The following P2RX7 variants were observed in gnomAD, a reference collection of about 807,000 sequenced individuals.
P2RX7 encodes the protein purinergic receptor P2X 7.
P2RX7 carries 62 observed loss-of-function variants against 71.6 expected under a neutral mutation model. The observed-to-expected ratio is 0.87, with a 90% CI of 0.71 to 1.07. P2RX7 has a LOEUF of 1.07. Among genes scored for constraint, P2RX7 ranks in the 50% least tolerant of loss-of-function variants. P2RX7 has a pLI of 0.00. For synonymous variants in P2RX7, 299 were observed against 283.3 expected, an observed-to-expected ratio of 1.06 and a Z score of -0.56; for missense variants, 686 against 748.5, an observed-to-expected ratio of 0.92 and a Z score of 0.97.
At chr12:121,133,941 C>T (rs540919524) in intron 1 of P2RX7, among the ~76,000 whole-genome samples, 2 of 152,028 alleles carry the variant, frequency 1.3e-5, no homozygotes, top group South Asian at 4.1e-4. Context: ...CCAGGCTGGT[C>T]TCAAACTCCT....
chr12:121,142,162 G>C (rs1875034437), intron 1 of P2RX7, among the ~76,000 whole-genome samples: 1 of 152,188 alleles, frequency 6.6e-6, no homozygotes, highest in South Asian at 2.1e-4. Context: ...GTTTCTATTT[G>C]TTACACAGCA....
rs555459948 is a variant in P2RX7 at position 121,166,161 on chromosome 12, G to A, written c.718G>A (p.Asp240Asn). Reference protein sequence around the residue: ...RLGDIFRETGDNFSDVAIQGG... With the variant: ...RLGDIFRETGNNFSDVAIQGG... Reference sequence around the variant, plus strand: ...AGGAGACATCTTCCGAGAAACAGGCGATAATTTTTCAGATGTGGCAATTCA... The same window carrying A: ...AGGAGACATCTTCCGAGAAACAGGCAATAATTTTTCAGATGTGGCAATTCA... The change falls in exon 7 of 13, where the codon GAT becomes AAT. Residue 240 changes from aspartate to asparagine, a missense_variant. By Grantham distance (23) the Asp-to-Asn change is conservative (BLOSUM62 1). Transcript: ENST00000328963. 1.4e-5 allele frequency: 23 copies of A among 1,613,662 alleles called. No homozygotes were observed. Among genetic ancestry groups the A allele is most frequent in the African/African-American group, 2.7e-5 (2 of 74,916 alleles).
intron 1 of P2RX7, among the ~76,000 whole-genome samples, chr12:121,153,050 T>C (rs941530019): frequency 5.9e-5 from 9 of 152,222 alleles, no homozygotes; most frequent in Admixed American, 3.3e-4. Flanking sequence ...ATCTGAGCTA[T>C]CTTTTCAGGA....
At chr12:121,167,386 C>T (rs504677) in intron 7 of P2RX7, 102 bp from the exon 8 acceptor site, 535,530 of 1,365,332 alleles carry the variant, frequency 0.39, 108,581 homozygotes, top group South Asian at 0.45. Context: ...CAGCATTTTT[C>T]CTCTAAAAAC....
chr12:121,171,256 G>A (rs1593117933), intron 8 of P2RX7, among the ~76,000 whole-genome samples: 1 of 152,012 alleles, frequency 6.6e-6, no homozygotes, highest in Non-Finnish European at 1.5e-5. Flanking sequence ...CTCTTCCAGC[G>A]TCTGGTGGCT....
At chr12:121,156,799 C>G (rs1225720256) in intron 3 of P2RX7, among the ~76,000 whole-genome samples, 1 of 152,192 alleles carries the variant, frequency 6.6e-6, no homozygotes, top group African/African-American at 2.4e-5. Context: ...CCCAACTTGG[C>G]TTTGCTCTCT....
chr12:121,167,150 G>A (rs547813840), intron 7 of P2RX7, among the ~76,000 whole-genome samples: 1 of 152,144 alleles, frequency 6.6e-6, no homozygotes, highest in South Asian at 2.1e-4. Flanking sequence ...TTGATAGAGT[G>A]CCCTGAATTC....
chr12:121,180,963 CA>C (rs35912062), intron 12 of P2RX7, among the ~76,000 whole-genome samples: 99 of 136,256 alleles, frequency 7.3e-4, no homozygotes, highest in Admixed American at 1.1e-3. Flanking sequence ...GACTCCATCT[CA>C]AAAAAAAAAA....
At chr12:121,155,248 A>G (rs1384999746) in intron 2 of P2RX7, 3 of 1,360,152 alleles carry the variant, frequency 2.2e-6, no homozygotes, top group Non-Finnish European at 2.9e-6. Flanking sequence ...TTTTAGACGC[A>G]CAGCCACCAA....
At position 121,182,328 on chromosome 12, in the gene P2RX7, T is replaced by C. The variant is rs1462233450; in HGVS notation, c.1290+1873T>C. On this transcript the variant is annotated intron_variant, in intron 12 of 12. Coordinates refer to ENST00000328963, the MANE Select transcript of P2RX7 (RefSeq NM_002562.6). ...TTGTAATGTTCTTGTTGGATTTGTGTATGAAGTGAACTACAGTCATGCATC... is the reference window on the plus strand; with the variant it reads ...TTGTAATGTTCTTGTTGGATTTGTGCATGAAGTGAACTACAGTCATGCATC... Among the ~76,000 whole-genome samples, 14 of 152,230 alleles carry C rather than the reference T, an allele frequency of 9.2e-5. No individual in the cohort carries two copies. The East Asian group carries it at 2.7e-3, about 29-fold the overall frequency.
rs386377968 is a variant in P2RX7 at position 121,178,791 on chromosome 12, C to CAAAAA, written c.1188+1363_1188+1367dup. Among the ~76,000 whole-genome samples, 498 of 66,344 alleles carry CAAAAA rather than the reference C, an allele frequency of 7.5e-3. 17 individuals carry two copies. The highest frequency in any genetic ancestry group is 0.026 in the African/African-American group (430 of 16,608). The allele number at this position is 66,344 out of a possible 152,430, so 43.5% of individuals were successfully genotyped here. A position where few individuals can be genotyped will look rare whatever the true frequency, so the allele number is the denominator to read the frequency against. On this transcript the variant is annotated intron_variant, in intron 11 of 12. Coordinates refer to ENST00000328963, the MANE Select transcript of P2RX7 (RefSeq NM_002562.6). ...TGAGTGACAGAGGGAAACTCTGTCT[C>CAAAAA]AAAAAAAAAAAAAAAAAAAAAATTA...
intron 7 of P2RX7, among the ~76,000 whole-genome samples, chr12:121,166,968 C>T (rs1189383668): frequency 1.3e-5 from 2 of 150,982 alleles, no homozygotes; most frequent in Non-Finnish European, 2.9e-5. Flanking sequence ...AGGAGAATCG[C>T]TTGAACCTGG....
chr12:121,135,991 A>C (rs1873458281), intron 1 of P2RX7, among the ~76,000 whole-genome samples: 1 of 112,718 alleles, frequency 8.9e-6, no homozygotes, highest in Non-Finnish European at 1.8e-5. Flanking sequence ...GCCACAGAGC[A>C]AGACTCTGTC....
chr12:121,144,075 G>C (rs751975123), intron 1 of P2RX7, among the ~76,000 whole-genome samples: 1 of 152,092 alleles, frequency 6.6e-6, no homozygotes, highest in Non-Finnish European at 1.5e-5. Context: ...CTCAACCCAG[G>C]TAACCATGAA....
chr12:121,143,587 C>T lies in P2RX7; in HGVS notation c.125+10492C>T, dbSNP rs570653602. On this transcript the variant is annotated intron_variant, in intron 1 of 12. Transcript: ENST00000328963. ...AAAATCGGCCAGGCGCGGTGGCTCA[C>T]GTCTGTAATCCCAGAACTCTGGGAG... 3.3e-5 allele frequency among the ~76,000 whole-genome samples: 5 copies of T among 151,178 alleles called. No homozygotes were observed. The South Asian group carries it at 6.3e-4, about 19-fold the overall frequency.
intron 11 of P2RX7, among the ~76,000 whole-genome samples, chr12:121,177,690 T>TCA: frequency 1.6e-5 from 1 of 61,192 alleles, no homozygotes; most frequent in African/African-American, 6.3e-5. Flanking sequence ...ATTTTGTCAT[T>TCA]TATTTATTTA....
In P2RX7 at chr12:121,184,893, T is replaced by G. The variant is rs1261623798; in HGVS notation, c.*91T>G. The G allele has an allele frequency of 2.9e-6, 3 of 1,046,004 alleles. No individual in the cohort carries two copies. The highest frequency in any genetic ancestry group is 1.6e-5 in the African/African-American group (1 of 62,062). 64.8% of individuals were successfully genotyped at this position (1,046,004 alleles called of 1,614,324 possible). The stretch of plus-strand genomic sequence containing the variant: ...TGAGGTCGGGAGTTGGAGACCCGCC[T>G]GGCTAACAAGGCGAAATCCTGTCTG... On this transcript the variant is annotated 3_prime_UTR_variant, in exon 13 of 13. Coordinates refer to ENST00000328963, the MANE Select transcript of P2RX7 (RefSeq NM_002562.6).
In P2RX7 at chr12:121,162,297, C is replaced by T. The variant is rs556034629; in HGVS notation, c.437-127C>T. ...ATGGGCTTGATGGAAGCTGAAGCTG[C>T]GTGGGTTGGAAAGCCTGGTCAAAGC... is the stretch of plus-strand genomic sequence containing the variant. On this transcript the variant is annotated intron_variant, in intron 4 of 12. Coordinates refer to ENST00000328963, the MANE Select transcript of P2RX7 (RefSeq NM_002562.6). 4.9e-5 allele frequency: 71 copies of T among 1,457,674 alleles called. No individual in the cohort carries two copies. In the Middle Eastern group the frequency reaches 5.8e-4, roughly 12 times the overall value. 90.3% of individuals were successfully genotyped at this position (1,457,674 alleles called of 1,614,324 possible).
At position 121,162,449 on chromosome 12, in the gene P2RX7, G is replaced by A. The variant is rs28360448; in HGVS notation, c.462G>A (p.Val154=). 0.014 allele frequency: 22,195 copies of A among 1,613,892 alleles called. 744 individuals are homozygous for A. The highest frequency in any genetic ancestry group is 0.12 in the African/African-American group (8,962 of 74,994). Residue 154 remains valine (V), a synonymous_variant, in exon 5 of 13, where the codon GTG becomes GTA. Coordinates refer to ENST00000328963, the MANE Select transcript of P2RX7 (RefSeq NM_002562.6). ...GAATTCAGACCGGAAGGTGTGTAGT[G>A]TATGAAGGGAACCAGAAGACCTGTG... ...SKGIQTGRCV[V]YEGNQKTCEV...
Sources: allele counts gnomAD v4.1 joint callset (sites outside exome capture counted in the v4.1 genomes callset), GRCh38; gene constraint gnomAD v4.1.1; transcripts MANE v1.5; gene names NCBI Gene and HGNC (gene_info 2026-07-23, HGNC 2026-07-21).